The following PPM1A variants were observed in gnomAD, a reference collection of about 807,000 sequenced individuals.
PPM1A encodes protein phosphatase 1A.
In PPM1A, 7 loss-of-function variants were observed where a neutral mutation model predicts 35.0. The observed-to-expected ratio is 0.20, with a 90% confidence interval of 0.11 to 0.38. PPM1A has a LOEUF of 0.38. PPM1A is among the 10% of genes least tolerant of loss of function. The probability of loss-of-function intolerance (pLI) is 1.00; values close to 1 mark genes in which losing one functional copy is unlikely to be tolerated. For synonymous variants in PPM1A, 153 were observed against 167.3 expected, an observed-to-expected ratio of 0.91 and a Z score of 0.66; for missense variants, 239 against 467.8, an observed-to-expected ratio of 0.51 and a Z score of 4.51.
At chr14:60,275,844 CTTTTTT>C (rs531960264) in intron 1 of PPM1A, among the ~76,000 whole-genome samples, 1 of 130,460 alleles carries the variant, frequency 7.7e-6, no homozygotes, top group Non-Finnish European at 1.6e-5. Flanking sequence ...AAAGATTAGC[CTTTTTT>C]TTTTTTTTTT....
chr14:60,282,738 AG>A lies in PPM1A; in HGVS notation c.36del (p.Lys12AsnfsTer15). ...GAFLDKPKME[K>X]HNAQGQGNGL... Reference sequence around the variant, plus strand: ...TTTTTAGACAAGCCAAAGATGGAAAAGCATAATGCCCAGGGGCAGGGTAATG... The same window carrying A: ...TTTTTAGACAAGCCAAAGATGGAAAACATAATGCCCAGGGGCAGGGTAATG... On this transcript the variant is annotated frameshift_variant, in exon 2 of 6. Transcript: ENST00000395076. LOFTEE classifies it high-confidence loss of function. The surrounding 1 kb of genome is among the most constrained non-coding windows in gnomAD (Gnocchi z 5.1). 1 of 1,614,240 alleles carries A rather than the reference AG, an allele frequency of 6.2e-7. No individual in the cohort carries two copies. The highest frequency in any genetic ancestry group is 8.5e-7 in the Non-Finnish European group (1 of 1,180,048).
chr14:60,272,397 G>A (rs1171625879), intron 1 of PPM1A, among the ~76,000 whole-genome samples: 1 of 151,868 alleles, frequency 6.6e-6, no homozygotes, highest in Non-Finnish European at 1.5e-5. Flanking sequence ...GGGGGGATGA[G>A]GGTGGAAGAC....
intron 1 of PPM1A, among the ~76,000 whole-genome samples, chr14:60,262,083 A>T (rs1359577433): frequency 4.6e-5 from 7 of 152,368 alleles, no homozygotes; most frequent in African/African-American, 1.7e-4. Context: ...TTTTCTTCAG[A>T]ATAATTGATA....
chr14:60,250,469 T>G (rs1256541582), intron 1 of PPM1A: 2 of 974,308 alleles, frequency 2.1e-6, no homozygotes, highest in East Asian at 2.3e-4. Flanking sequence ...TTTTGAAAAT[T>G]TCATCACCTG....
In PPM1A at chr14:60,291,367, A is replaced by C; in HGVS notation, c.1062-30A>C. The C allele has an allele frequency of 2.0e-6, 3 of 1,478,894 alleles. No homozygotes were observed. In the South Asian group the frequency reaches 3.9e-5, roughly 19 times the overall value. The allele number at this position is 1,478,894 out of a possible 1,614,324, so 91.6% of individuals were successfully genotyped here. ...CTAAGCAATGTTTTGCTTTCTGAAGAATTAATTTTCTGCATTTTTTTACAC... is the reference window on the plus strand; with the variant it reads ...CTAAGCAATGTTTTGCTTTCTGAAGCATTAATTTTCTGCATTTTTTTACAC... On this transcript the variant is annotated intron_variant, in intron 4 of 5. Coordinates refer to ENST00000395076, the MANE Select transcript of PPM1A (RefSeq NM_021003.5).
intron 1 of PPM1A, among the ~76,000 whole-genome samples, chr14:60,271,368 A>G (rs985185154): frequency 6.6e-6 from 1 of 152,180 alleles, no homozygotes; most frequent in African/African-American, 2.4e-5. Flanking sequence ...CATTTATAGG[A>G]TTAGGACTGG....
chr14:60,292,541 T>C lies in PPM1A; in HGVS notation c.*59T>C, dbSNP rs1268972821. ...CTCCAAAGGAGAGTACAGCTCAACT[T>C]TGTTGAAACTTTTAACATCCATCCT... On this transcript the variant is annotated 3_prime_UTR_variant, in exon 6 of 6. Coordinates refer to ENST00000395076, the MANE Select transcript of PPM1A (RefSeq NM_021003.5). The surrounding 1 kb of genome is among the most constrained non-coding windows in gnomAD (Gnocchi z 4.2). The C allele has an allele frequency of 3.4e-6, 5 of 1,463,384 alleles. No individual in the cohort carries two copies. The highest frequency in any genetic ancestry group is 4.7e-6 in the Non-Finnish European group (5 of 1,053,068). The allele number at this position is 1,463,384 out of a possible 1,614,324, so 90.6% of individuals were successfully genotyped here.
In PPM1A at chr14:60,289,616, T is replaced by A. The variant is rs1887408519; in HGVS notation, c.953-190T>A. ...TTTGATTTGAAGTTAATCTTATATGTCATTTTGTGCATTTTTTGTCATAAA... is the reference window on the plus strand; with the variant it reads ...TTTGATTTGAAGTTAATCTTATATGACATTTTGTGCATTTTTTGTCATAAA... On this transcript the variant is annotated intron_variant, in intron 3 of 5. Coordinates refer to ENST00000395076, the MANE Select transcript of PPM1A (RefSeq NM_021003.5). The surrounding 1 kb of genome is among the most constrained non-coding windows in gnomAD (Gnocchi z 4.1). Among the ~76,000 whole-genome samples, 1 of 152,186 alleles carries A rather than the reference T, an allele frequency of 6.6e-6. No homozygotes were observed. The highest frequency in any genetic ancestry group is 1.5e-5 in the Non-Finnish European group (1 of 68,022).
rs1886565061 is a variant in PPM1A at position 60,282,856 on chromosome 14, A to G, written c.153A>G (p.Glu51=). 6.2e-7 allele frequency: 1 copy of G among 1,614,228 alleles called. No homozygotes were observed. Among genetic ancestry groups the G allele is most frequent in the Non-Finnish European group, 8.5e-7 (1 of 1,180,038 alleles). Reference sequence around the variant, plus strand: ...TGATCGGTTTGCCAAGTGGACTTGAATCGTGGTCATTCTTTGCTGTGTATG... The same window carrying G: ...TGATCGGTTTGCCAAGTGGACTTGAGTCGTGGTCATTCTTTGCTGTGTATG... ...TAVIGLPSGL[E]SWSFFAVYDG... is the part of the protein sequence containing the mutation. The change falls in exon 2 of 6, where the codon GAA becomes GAG. Residue 51 remains glutamate (E), a synonymous_variant. Coordinates refer to ENST00000395076, the MANE Select transcript of PPM1A (RefSeq NM_021003.5). The surrounding 1 kb of genome is among the most constrained non-coding windows in gnomAD (Gnocchi z 5.1).
chr14:60,255,518 T>C (rs913197504), intron 1 of PPM1A, among the ~76,000 whole-genome samples: 5 of 152,206 alleles, frequency 3.3e-5, no homozygotes, highest in African/African-American at 1.2e-4. Context: ...TATAATTGCA[T>C]TCAGTTAATT....
chr14:60,252,569 G>A (rs1213270658), intron 1 of PPM1A, among the ~76,000 whole-genome samples: 2 of 152,294 alleles, frequency 1.3e-5, no homozygotes, highest in Admixed American at 6.5e-5. Flanking sequence ...TAAAAGTTGT[G>A]TCTTCCTCTA....
intron 3 of PPM1A, among the ~76,000 whole-genome samples, chr14:60,288,835 A>G (rs1410826941): frequency 6.6e-6 from 1 of 152,090 alleles, no homozygotes. Flanking sequence ...ATAAACATTG[A>G]AAAACAAACT....
chr14:60,275,293 T>C (rs1172723827), intron 1 of PPM1A, among the ~76,000 whole-genome samples: 1 of 151,794 alleles, frequency 6.6e-6, no homozygotes, highest in African/African-American at 2.4e-5. Context: ...AGAATTGGAG[T>C]GTAAGTCCAG....
At position 60,297,930 on chromosome 14, in the gene PPM1A, T is replaced by G. The variant is rs1419940203; in HGVS notation, c.*5448T>G. On this transcript the variant is annotated 3_prime_UTR_variant, in exon 6 of 6. Transcript: ENST00000395076. ...GCCCATTCTAAAGTACAATAGGGCA[T>G]CATCCCTTTTCCTGCAAAGCCCAAA... is the stretch of plus-strand genomic sequence containing the variant. 1 of 151,686 alleles carries G rather than the reference T, an allele frequency of 6.6e-6. No individual in the cohort carries two copies. The highest frequency in any genetic ancestry group is 1.5e-5 in the Non-Finnish European group (1 of 67,658). The allele number at this position is 151,686 out of a possible 1,614,324, so 9.4% of individuals were successfully genotyped here. A position where few individuals can be genotyped will look rare whatever the true frequency, so the allele number is the denominator to read the frequency against.
chr14:60,247,939 A>G (rs1296474228), upstream of PPM1A, among the ~76,000 whole-genome samples: 1 of 152,198 alleles, frequency 6.6e-6, no homozygotes, highest in Non-Finnish European at 1.5e-5. Flanking sequence ...GCCTTCTACA[A>G]TGAAGTCTTT....
chr14:60,258,842 A>G (rs1184778899), intron 1 of PPM1A, among the ~76,000 whole-genome samples: 1 of 152,140 alleles, frequency 6.6e-6, no homozygotes, highest in Admixed American at 6.5e-5. Context: ...CAAAAAAGAC[A>G]TAATCTCTTT....
At chr14:60,271,326 T>A (rs1885078348) in intron 1 of PPM1A, among the ~76,000 whole-genome samples, 1 of 152,210 alleles carries the variant, frequency 6.6e-6, no homozygotes, top group Non-Finnish European at 1.5e-5. Context: ...CTTAATCACA[T>A]CTGCAAAGAC....
At chr14:60,266,296 A>G (rs1414102569) in intron 1 of PPM1A, among the ~76,000 whole-genome samples, 2 of 152,108 alleles carry the variant, frequency 1.3e-5, no homozygotes, top group Non-Finnish European at 2.9e-5. Context: ...ACTTTTGTGT[A>G]TATATTGCAG....
Position 60,249,445 on chromosome 14 carries a change from G to T in PPM1A, c.-253G>T. On this transcript the variant is annotated 5_prime_UTR_variant, in exon 1 of 6. Coordinates refer to ENST00000395076, the MANE Select transcript of PPM1A (RefSeq NM_021003.5). This position sits in a 1 kb window ranked among gnomAD's most constrained non-coding sequence, Gnocchi z 4.5. Reference sequence around the variant, plus strand: ...CCTCCTTCTCCGGGACCCGCTCTCTGCCTCCCTCTCCAACGCCCGGATGAT... The same window carrying T: ...CCTCCTTCTCCGGGACCCGCTCTCTTCCTCCCTCTCCAACGCCCGGATGAT... 2 of 985,130 alleles carry T rather than the reference G, an allele frequency of 2.0e-6. No individual in the cohort carries two copies. Among genetic ancestry groups the T allele is most frequent in the Non-Finnish European group, 1.2e-6 (1 of 830,198 alleles). The allele number at this position is 985,130 out of a possible 1,614,324, so 61.0% of individuals were successfully genotyped here. A position where few individuals can be genotyped will look rare whatever the true frequency, so the allele number is the denominator to read the frequency against.
Sources: gnomAD v4.1 joint callset for allele counts (sites outside exome capture counted in the v4.1 genomes callset) on GRCh38, gnomAD v4.1.1 for gene constraint, Gnocchi (gnomAD v3.1) non-coding constraint, MANE v1.5 for transcripts, NCBI Gene and HGNC (gene_info 2026-07-23, HGNC 2026-07-21) for gene names.